Variants in SARS1 observed in about 807,000 individuals in gnomAD.
SARS1 encodes the protein serine--tRNA ligase, cytoplasmic.
SARS1 carries 25 observed loss-of-function variants against 63.7 expected under a neutral mutation model. The ratio of observed to expected loss-of-function variants is 0.39; its 90% CI spans 0.29 to 0.55. The LOEUF is 0.55. SARS1 is among the 20% of genes least tolerant of loss of function. SARS1 has a pLI of 0.62. For synonymous variants in SARS1, 231 were observed against 243.5 expected, an observed-to-expected ratio of 0.95 and a Z score of 0.48; for missense variants, 417 against 649.7, an observed-to-expected ratio of 0.64 and a Z score of 3.89.
In SARS1 at chr1:109,237,122, C is replaced by T. The variant is rs1570765125; in HGVS notation, c.1258-122C>T. The T allele has an allele frequency of 6.9e-7, 1 of 1,443,774 alleles. No homozygotes were observed. The highest frequency in any genetic ancestry group is 2.3e-5 in the East Asian group (1 of 43,700). The allele number at this position is 1,443,774 out of a possible 1,614,324, so 89.4% of individuals were successfully genotyped here. On this transcript the variant is annotated intron_variant, in intron 9 of 10. Transcript: ENST00000234677. The surrounding 1 kb of genome is among the most constrained non-coding windows in gnomAD (Gnocchi z 4.1). ...AGAAAAAAGTTGCTAAGGGGTAGAA[C>T]CCATCATTTTGATTTGGACAGTTGT... is the stretch of plus-strand genomic sequence containing the variant.
chr1:109,220,145 A>T (rs1464481355), intron 1 of SARS1, among the ~76,000 whole-genome samples: 3 of 152,216 alleles, frequency 2.0e-5, no homozygotes, highest in African/African-American at 7.2e-5. Context: ...CATCACCTCA[A>T]ATACTTATAT....
rs1655168270 is a variant in SARS1 at position 109,229,708 on chromosome 1, A to G, written c.447+136A>G. ...CTTTGTATATTCCCTCTGCCCACCA[A>G]TTGAGAATTGCAGGAGTCAGATCCT... On this transcript the variant is annotated intron_variant, in intron 4 of 10. Coordinates refer to ENST00000234677, the MANE Select transcript of SARS1 (RefSeq NM_006513.4). 1.2e-5 allele frequency: 10 copies of G among 856,634 alleles called. No individual in the cohort carries two copies. The South Asian group carries it at 1.3e-4, about 11-fold the overall frequency. 53.1% of individuals were successfully genotyped at this position (856,634 alleles called of 1,614,324 possible). A position where few individuals can be genotyped will look rare whatever the true frequency, so the allele number is the denominator to read the frequency against.
Position 109,235,001 on chromosome 1 carries a change from C to G in SARS1, c.748-209C>G, listed in dbSNP as rs1031312695. Among the ~76,000 whole-genome samples the G allele has an allele frequency of 5.3e-5, 8 of 152,082 alleles. No individual in the cohort carries two copies. The highest frequency in any genetic ancestry group is 7.4e-5 in the Non-Finnish European group (5 of 67,998). ...AAAAGATAAGTGGAAAATATTCTTT[C>G]CTCTTAATTTACATTTCTTTGATCT... On this transcript the variant is annotated intron_variant, in intron 6 of 10. Transcript: ENST00000234677. This position sits in a 1 kb window ranked among gnomAD's most constrained non-coding sequence, Gnocchi z 4.7.
chr1:109,222,885 C>T (rs1169817104), intron 1 of SARS1, among the ~76,000 whole-genome samples: 7 of 152,104 alleles, frequency 4.6e-5, no homozygotes, highest in Non-Finnish European at 7.4e-5. Flanking sequence ...TGTGGTGGCG[C>T]ACACCTGTAG....
At chr1:109,224,070 C>G (rs955561980) in intron 2 of SARS1, 22 bp downstream of exon 2, 4 of 1,558,850 alleles carry the variant, frequency 2.6e-6, no homozygotes, top group Non-Finnish European at 3.5e-6. Context: ...GAATAACAAA[C>G]AGCCATGAGA....
intron 2 of SARS1, among the ~76,000 whole-genome samples, chr1:109,226,671 A>ATAT (rs1216630552): frequency 8.6e-5 from 3 of 34,808 alleles, no homozygotes; most frequent in East Asian, 1.7e-3. Context: ...TTTAAAAAAA[A>ATAT]AAAAAAATAT....
chr1:109,218,086 G>A (rs1654833222), intron 1 of SARS1, among the ~76,000 whole-genome samples: 1 of 151,336 alleles, frequency 6.6e-6, no homozygotes, highest in African/African-American at 2.4e-5. Flanking sequence ...CCAGCTACTC[G>A]GGTGGCTGAG....
In SARS1 at chr1:109,225,320, T is replaced by C. The variant is rs191197258; in HGVS notation, c.207+1272T>C. On this transcript the variant is annotated intron_variant, in intron 2 of 10. Coordinates refer to ENST00000234677, the MANE Select transcript of SARS1 (RefSeq NM_006513.4). ...TCTTTGACAATATTTTGTTACACTTTCAGCGTGTAACACTTTTAGCTGTGG... is the reference window on the plus strand; with the variant it reads ...TCTTTGACAATATTTTGTTACACTTCCAGCGTGTAACACTTTTAGCTGTGG... Among the ~76,000 whole-genome samples, 6 of 152,318 alleles carry C rather than the reference T, an allele frequency of 3.9e-5. No individual in the cohort carries two copies. The East Asian group carries it at 1.2e-3, about 29-fold the overall frequency.
At chr1:109,226,677 A>AAAAAAAAAT (rs1178056468) in intron 2 of SARS1, among the ~76,000 whole-genome samples, 2 of 44,964 alleles carry the variant, frequency 4.4e-5, no homozygotes, top group African/African-American at 1.7e-4. Flanking sequence ...AAAAAAAAAA[A>AAAAAAAAAT]ATATATATAT....
chr1:109,223,982 A>G lies in SARS1; in HGVS notation c.141A>G (p.Arg47=). 1 of 1,611,690 alleles carries G rather than the reference A, an allele frequency of 6.2e-7. No individual in the cohort carries two copies. Among genetic ancestry groups the G allele is most frequent in the Non-Finnish European group, 8.5e-7 (1 of 1,177,828 alleles). The change falls in exon 2 of 11, where the codon AGA becomes AGG. Residue 47 remains arginine, a synonymous_variant. Transcript: ENST00000234677. ...TCTTGGATTCTTTATTCCTAGGTAGATTTCGGGCAGACAACTTGAACAAGC... is the reference window on the plus strand; with the variant it reads ...TCTTGGATTCTTTATTCCTAGGTAGGTTTCGGGCAGACAACTTGAACAAGC... ...VKADSEWRRC[R]FRADNLNKLK...
At chr1:109,228,476 T>C (rs1655138970) in intron 3 of SARS1, 44 bp downstream of exon 3, 2 of 1,395,730 alleles carry the variant, frequency 1.4e-6, no homozygotes, top group Non-Finnish European at 2.0e-6. Flanking sequence ...TGCTATTTTG[T>C]CTTAATTTTA....
chr1:109,235,064 A>G lies in SARS1; in HGVS notation c.748-146A>G, dbSNP rs1349475560. 1.5e-6 allele frequency: 1 copy of G among 664,362 alleles called. No individual in the cohort carries two copies. Among genetic ancestry groups the G allele is most frequent in the Admixed American group, 2.4e-5 (1 of 41,478 alleles). The allele number at this position is 664,362 out of a possible 1,614,324, so 41.2% of individuals were successfully genotyped here. A position where few individuals can be genotyped will look rare whatever the true frequency, so the allele number is the denominator to read the frequency against. On this transcript the variant is annotated intron_variant, in intron 6 of 10. Coordinates refer to ENST00000234677, the MANE Select transcript of SARS1 (RefSeq NM_006513.4). This position sits in a 1 kb window ranked among gnomAD's most constrained non-coding sequence, Gnocchi z 4.7. The stretch of plus-strand genomic sequence containing the variant: ...CCATTTTGGACTGACCCATTCCTTT[A>G]TCTTTTTAGTATTCTCTCCCCACTC...
At chr1:109,236,233 C>T in intron 8 of SARS1, 127 bp downstream of exon 8, 13 of 1,306,482 alleles carry the variant, frequency 1.0e-5, no homozygotes, top group Non-Finnish European at 1.4e-5. Context: ...TAAAATATTA[C>T]ACTCTTCTCA....
Position 109,214,201 on chromosome 1 carries a change from C to T in SARS1, c.136+73C>T. 1 of 1,531,810 alleles carries T rather than the reference C, an allele frequency of 6.5e-7. No individual in the cohort carries two copies. The highest frequency in any genetic ancestry group is 8.9e-7 in the Non-Finnish European group (1 of 1,129,328). The allele number at this position is 1,531,810 out of a possible 1,614,324, so 94.9% of individuals were successfully genotyped here. On this transcript the variant is annotated intron_variant, in intron 1 of 10. Coordinates refer to ENST00000234677, the MANE Select transcript of SARS1 (RefSeq NM_006513.4). The surrounding 1 kb of genome is among the most constrained non-coding windows in gnomAD (Gnocchi z 4.6). ...TTCTCTCTCAAATCCAGCCACCGCT[C>T]CTGAGGCCACAGCTTCCACCCTTCG...
At chr1:109,223,936 A>G in intron 1 of SARS1, 42 bp from the exon 2 acceptor site, 1 of 1,420,704 alleles carries the variant, frequency 7.0e-7, no homozygotes, top group East Asian at 2.3e-5. Flanking sequence ...TATCTTAATT[A>G]TGGGCATTTC....
chr1:109,215,243 A>G, intron 1 of SARS1: 1 of 985,420 alleles, frequency 1.0e-6, no homozygotes. Flanking sequence ...TTCGAGTTGC[A>G]ATGGAATTTA....
Position 109,214,065 on chromosome 1 carries a change from A to G in SARS1, c.73A>G (p.Lys25Glu). 1.2e-6 allele frequency: 2 copies of G among 1,614,122 alleles called. No homozygotes were observed. Among genetic ancestry groups the G allele is most frequent in the Non-Finnish European group, 1.7e-6 (2 of 1,179,986 alleles). ...AGCCCTCATCCGAGAGACGCAGGAG[A>G]AGCGCTTCAAGGACCCGGGACTAGT... is the stretch of plus-strand genomic sequence containing the variant. ...DPALIRETQE[K>E]RFKDPGLVDQ... Residue 25 changes from lysine (K) to glutamate (E), a missense_variant, in exon 1 of 11, where the codon AAG becomes GAG. By Grantham distance (56) the Lys-to-Glu change is moderately conservative. Transcript: ENST00000234677. This position sits in a 1 kb window ranked among gnomAD's most constrained non-coding sequence, Gnocchi z 4.6.
chr1:109,236,053 A>G lies in SARS1; in HGVS notation c.1046A>G (p.Glu349Gly). 3.1e-6 allele frequency: 5 copies of G among 1,614,072 alleles called. No individual in the cohort carries two copies. The highest frequency in any genetic ancestry group is 3.4e-6 in the Non-Finnish European group (4 of 1,179,944). ...EMFEEMITTA[E>G]EFYQSLGIPY... Reference sequence around the variant, plus strand: ...TTTGAAGAGATGATTACCACCGCAGAGGAGTTCTACCAGTCCCTGGGGATT... The same window carrying G: ...TTTGAAGAGATGATTACCACCGCAGGGGAGTTCTACCAGTCCCTGGGGATT... Residue 349 changes from glutamate to glycine, a missense_variant, in exon 8 of 11, where the codon GAG (glutamate) becomes GGG (glycine). Glu to Gly is a moderately conservative substitution (Grantham distance 98). Around this residue, in one of 3 missense-constraint regions of SARS1, gnomAD observed 359 missense variants for 529.6 expected, o/e 0.68. Coordinates refer to ENST00000234677, the MANE Select transcript of SARS1 (RefSeq NM_006513.4).
chr1:109,231,624 C>T lies in SARS1; in HGVS notation c.592-7C>T. 2 of 1,511,326 alleles carry T rather than the reference C, an allele frequency of 1.3e-6. No individual in the cohort carries two copies. The highest frequency in any genetic ancestry group is 5.1e-5 in the East Asian group (2 of 39,580). The allele number at this position is 1,511,326 out of a possible 1,614,324, so 93.6% of individuals were successfully genotyped here. ...AATCACATAGTACTGTGTCTCTGCT[C>T]CTCTAGGGGGTCCTGGTGTTCCTGG... On this transcript the variant is annotated splice_polypyrimidine_tract_variant and splice_region_variant and intron_variant, in intron 5 of 10. Coordinates refer to ENST00000234677, the MANE Select transcript of SARS1 (RefSeq NM_006513.4).
Sources: allele counts gnomAD v4.1 joint callset (sites outside exome capture counted in the v4.1 genomes callset), GRCh38; gene constraint gnomAD v4.1.1; regional missense constraint gnomAD v4.1.1; non-coding constraint Gnocchi (gnomAD v3.1); transcripts MANE v1.5; gene names NCBI Gene and HGNC (gene_info 2026-07-23, HGNC 2026-07-21).